RELN: variants seen among roughly 807,000 people sequenced by gnomAD.
The protein encoded by RELN is reelin.
RELN carries 108 observed loss-of-function variants against 427.6 expected under a neutral mutation model. That is an observed-to-expected ratio of 0.25 (90% CI 0.22 to 0.30). The LOEUF is 0.30. RELN is among the 10% of genes least tolerant of loss of function. The pLI is 1.00. For missense variants in RELN, 3,715 were observed against 4,302.8 expected (o/e 0.86, Z 3.82); for synonymous variants, 1,524 against 1,513.4 (o/e 1.01, Z -0.16).
chr7:103,900,633 G>A (rs774641164), intron 2 of RELN, among the ~76,000 whole-genome samples: 11 of 151,950 alleles, frequency 7.2e-5, no homozygotes, highest in Admixed American at 3.3e-4. Flanking sequence ...ATACAATCAC[G>A]TTATCTGCAA....
At chr7:103,787,638 A>T (rs910399319) in intron 3 of RELN, among the ~76,000 whole-genome samples, 2 of 152,236 alleles carry the variant, frequency 1.3e-5, no homozygotes, top group African/African-American at 4.8e-5. Flanking sequence ...AACCAAGAAG[A>T]AGTCAAATCC....
chr7:103,621,945 G>A (rs6963153), intron 20 of RELN, among the ~76,000 whole-genome samples: 2 of 152,050 alleles, frequency 1.3e-5, no homozygotes. Flanking sequence ...GAACCTGGGA[G>A]GCAGAGGTTG....
In RELN at chr7:103,593,887, T is replaced by C. The variant is rs370671369; in HGVS notation, c.3712-5A>G. On this transcript the variant is annotated splice_region_variant and splice_polypyrimidine_tract_variant and intron_variant, in intron 26 of 64. Transcript: ENST00000428762. ...AGCTGGCTTCTCATAAAAGTTCTAATAGAAACAATACAAATAAAACAAAAG... is the reference window on the plus strand; with the variant it reads ...AGCTGGCTTCTCATAAAAGTTCTAACAGAAACAATACAAATAAAACAAAAG... The C allele has an allele frequency of 1.4e-5, 23 of 1,605,854 alleles. No homozygotes were observed. The African/African-American group carries it at 1.9e-4, about 13-fold the overall frequency.
At chr7:103,588,628 G>A (rs1831334985) in intron 28 of RELN, among the ~76,000 whole-genome samples, 1 of 152,164 alleles carries the variant, frequency 6.6e-6, no homozygotes, top group Non-Finnish European at 1.5e-5. Context: ...GTAAAAGCTA[G>A]TTATTATTGG....
At chr7:103,682,615 G>A (rs1041265009) in intron 10 of RELN, among the ~76,000 whole-genome samples, 1 of 152,074 alleles carries the variant, frequency 6.6e-6, no homozygotes, top group Admixed American at 6.6e-5. Flanking sequence ...CAAATTCTGT[G>A]GTTATCGGCT....
chr7:103,692,022 G>C (rs147253467), intron 10 of RELN, among the ~76,000 whole-genome samples: 4 of 152,212 alleles, frequency 2.6e-5, no homozygotes, highest in African/African-American at 9.6e-5. Context: ...GTTAAGCCAA[G>C]ATTTGAACCC....
intron 26 of RELN, 110 bp from the exon 27 acceptor site, chr7:103,593,992 A>C: frequency 1.2e-6 from 1 of 842,812 alleles, no homozygotes. Context: ...CATTTCTAGG[A>C]AAACACAGAA....
Position 103,786,962 on chromosome 7 carries a change from C to A in RELN, c.474-10335G>T, listed in dbSNP as rs576179892. On this transcript the variant is annotated intron_variant, in intron 3 of 64. Transcript: ENST00000428762. ...ACCACATAATTAGAAGTAAAACACTCCTCAGCAAATGGAAAAGAAAGGAAA... is the reference window on the plus strand; with the variant it reads ...ACCACATAATTAGAAGTAAAACACTACTCAGCAAATGGAAAAGAAAGGAAA... Among the ~76,000 whole-genome samples the A allele has an allele frequency of 5.3e-5, 8 of 152,228 alleles. No homozygotes were observed. The South Asian group carries it at 1.7e-3, about 32-fold the overall frequency.
intron 1 of RELN, among the ~76,000 whole-genome samples, chr7:103,952,172 A>T (rs2116766438): frequency 6.6e-6 from 1 of 152,308 alleles, no homozygotes; most frequent in Middle Eastern, 3.4e-3. Context: ...TTTTGCTGTC[A>T]TTCCATTTTG....
chr7:103,662,218 C>T (rs10242211), intron 11 of RELN, among the ~76,000 whole-genome samples: 7,397 of 152,222 alleles, frequency 0.049, 459 homozygotes, highest in African/African-American at 0.14. Context: ...TTAAGAATGA[C>T]TAGCAAAGGA....
chr7:103,525,567 CTA>C (rs1304494140), intron 46 of RELN, among the ~76,000 whole-genome samples: 9 of 152,098 alleles, frequency 5.9e-5, no homozygotes, highest in Non-Finnish European at 1.2e-4. Flanking sequence ...TTTTTAATGA[CTA>C]AATTTATCTA....
intron 1 of RELN, among the ~76,000 whole-genome samples, chr7:103,985,688 CA>C (rs1797082832): frequency 6.6e-6 from 1 of 152,114 alleles, no homozygotes; most frequent in South Asian, 2.1e-4. Context: ...TTAACACTGA[CA>C]AGTCACATTC....
intron 6 of RELN, among the ~76,000 whole-genome samples, chr7:103,745,051 G>A (rs184741389): frequency 0.018 from 2,812 of 152,150 alleles, 81 homozygotes; most frequent in African/African-American, 0.064. Context: ...GCAGCACATC[G>A]AAAAGCTTAT....
chr7:103,919,452 C>T (rs544574359), intron 1 of RELN, among the ~76,000 whole-genome samples: 2 of 152,038 alleles, frequency 1.3e-5, no homozygotes, highest in Admixed American at 6.6e-5. Flanking sequence ...TCTCTCCATC[C>T]CCTTTCTTTC....
At chr7:103,748,206 G>C (rs144948727) in intron 6 of RELN, among the ~76,000 whole-genome samples, 334 of 149,588 alleles carry the variant, frequency 2.2e-3, no homozygotes, top group African/African-American at 7.9e-3. Flanking sequence ...TGTATATTTA[G>C]GGAAGCAGAG....
At chr7:103,593,601 G>C in intron 27 of RELN, 81 bp downstream of exon 27, 6 of 1,228,948 alleles carry the variant, frequency 4.9e-6, no homozygotes, top group Non-Finnish European at 7.2e-6. Flanking sequence ...AAAAATTTGT[G>C]TTCTTTGTGA....
chr7:103,495,925 G>A, intron 56 of RELN, 27 bp from the exon 57 acceptor site: 1 of 1,611,232 alleles, frequency 6.2e-7, no homozygotes, highest in Non-Finnish European at 8.5e-7. Flanking sequence ...GAAGCAATAT[G>A]GCATATTATT....
intron 42 of RELN, among the ~76,000 whole-genome samples, chr7:103,544,075 A>T (rs1830230492): frequency 6.6e-6 from 1 of 152,072 alleles, no homozygotes; most frequent in Non-Finnish European, 1.5e-5. Context: ...AGTTTCATCT[A>T]TGTTGTAGCA....
intron 4 of RELN, among the ~76,000 whole-genome samples, chr7:103,759,084 A>T (rs1791231485): frequency 1.3e-5 from 2 of 152,118 alleles, no homozygotes; most frequent in Non-Finnish European, 2.9e-5. Flanking sequence ...CACTGTTTTT[A>T]GAAGGTACTT....
Sources: allele counts gnomAD v4.1 joint callset (sites outside exome capture counted in the v4.1 genomes callset), GRCh38; gene constraint gnomAD v4.1.1; transcripts MANE v1.5; gene names NCBI Gene and HGNC (gene_info 2026-07-23, HGNC 2026-07-21).